PDE10A: variants seen among roughly 807,000 people sequenced by gnomAD.
PDE10A encodes phosphodiesterase 10A.
A neutral mutation model predicts 97.7 loss-of-function variants in PDE10A; 39 were observed. That is an observed-to-expected ratio of 0.40 (90% CI 0.31 to 0.52). The LOEUF is 0.52. Among genes scored for constraint, PDE10A ranks in the 20% least tolerant of loss-of-function variants. The pLI is 0.56. For synonymous variants in PDE10A, 371 were observed against 376.8 expected (o/e 0.98, Z 0.18); for missense variants, 731 against 1,047.8 (o/e 0.70, Z 4.17).
At chr6:165,435,169 G>T (rs553259124) in intron 6 of PDE10A, 68 bp downstream of exon 6, 2 of 1,276,096 alleles carry the variant, frequency 1.6e-6, no homozygotes, top group South Asian at 1.4e-5. Context: ...ACATCAAAAT[G>T]ATATGCCATC....
intron 1 of PDE10A, among the ~76,000 whole-genome samples, chr6:165,847,446 C>T (rs1459698837): frequency 1.3e-5 from 2 of 152,274 alleles, no homozygotes; most frequent in Non-Finnish European, 2.9e-5. Flanking sequence ...AACGCTTCCA[C>T]GGCCAAAGTG....
At chr6:165,813,748 T>C (rs955878245) in intron 1 of PDE10A, among the ~76,000 whole-genome samples, 1 of 150,240 alleles carries the variant, frequency 6.7e-6, no homozygotes, top group Non-Finnish European at 1.5e-5. Context: ...TAAGAGAAGA[T>C]AAATCCAAAC....
At chr6:165,579,445 C>T (rs2128353219) in intron 1 of PDE10A, among the ~76,000 whole-genome samples, 1 of 152,274 alleles carries the variant, frequency 6.6e-6, no homozygotes, top group East Asian at 1.9e-4. Flanking sequence ...TGGGATGATA[C>T]AAGTCCTCCC....
intron 1 of PDE10A, among the ~76,000 whole-genome samples, chr6:165,544,899 T>G (rs528016980): frequency 4.5e-4 from 69 of 152,008 alleles, no homozygotes; most frequent in African/African-American, 1.6e-3. Context: ...CTGGCTATAT[T>G]CACCCTGCAA....
chr6:165,918,426 G>T (rs1782665901), intron 1 of PDE10A, among the ~76,000 whole-genome samples: 2 of 152,128 alleles, frequency 1.3e-5, no homozygotes, highest in Non-Finnish European at 2.9e-5. Context: ...AATTTATATT[G>T]AATTGAGATT....
intron 1 of PDE10A, among the ~76,000 whole-genome samples, chr6:165,629,774 T>A (rs929753517): frequency 1.2e-4 from 19 of 152,182 alleles, no homozygotes; most frequent in African/African-American, 4.6e-4. Flanking sequence ...GCTCAGGTGA[T>A]CTGCCTGCCT....
chr6:165,880,786 G>A (rs1227383630), intron 1 of PDE10A, among the ~76,000 whole-genome samples: 1 of 152,128 alleles, frequency 6.6e-6, no homozygotes, highest in East Asian at 1.9e-4. Flanking sequence ...GCTGGCAGCT[G>A]GTTAAGTTTG....
intron 1 of PDE10A, among the ~76,000 whole-genome samples, chr6:165,794,133 G>T (rs200666799): frequency 7.5e-6 from 1 of 132,780 alleles, no homozygotes; most frequent in African/African-American, 2.8e-5. Context: ...ACACACACAC[G>T]CTCACACTCA....
intron 1 of PDE10A, among the ~76,000 whole-genome samples, chr6:165,630,514 A>C (rs981682973): frequency 1.3e-5 from 2 of 152,202 alleles, no homozygotes; most frequent in Non-Finnish European, 2.9e-5. Context: ...AAGATTTTAG[A>C]AATCCCATAC....
chr6:165,853,408 A>C (rs1308263549), intron 1 of PDE10A, among the ~76,000 whole-genome samples: 1 of 152,214 alleles, frequency 6.6e-6, no homozygotes, highest in Non-Finnish European at 1.5e-5. Context: ...CCAGTTTCAA[A>C]AATTTATATT....
At chr6:165,602,904 A>G (rs1172667384) in intron 1 of PDE10A, among the ~76,000 whole-genome samples, 3 of 152,192 alleles carry the variant, frequency 2.0e-5, no homozygotes, top group Non-Finnish European at 4.4e-5. Context: ...CCTGTTGGCA[A>G]TAATTATTGT....
Position 165,448,931 on chromosome 6 carries a change from A to G in PDE10A, c.1191T>C (p.Asn397=), listed in dbSNP as rs754238127. The part of the protein sequence containing the change: ...GFALYFLGEC[N]NSLCIFTPPG... ...AAATCTAAATTTAGATACTTACATT[A>G]TTGCACTCTCCAAGGAAATACAGTG... Residue 397 remains asparagine (N), a synonymous_variant, in exon 5 of 22, where the codon AAT becomes AAC. Coordinates refer to ENST00000539869, the MANE Select transcript of PDE10A (RefSeq NM_001385079.1). 6.2e-7 allele frequency: 1 copy of G among 1,604,952 alleles called. No homozygotes were observed. Among genetic ancestry groups the G allele is most frequent in the South Asian group, 1.1e-5 (1 of 90,400 alleles).
At chr6:165,487,407 C>T (rs1020042346) in intron 2 of PDE10A, among the ~76,000 whole-genome samples, 1 of 152,190 alleles carries the variant, frequency 6.6e-6, no homozygotes, top group Non-Finnish European at 1.5e-5. Flanking sequence ...AGGGCTTCCA[C>T]TAATTCTACA....
chr6:165,371,714 C>T (rs1784262033), intron 18 of PDE10A, among the ~76,000 whole-genome samples: 1 of 151,952 alleles, frequency 6.6e-6, no homozygotes, highest in Non-Finnish European at 1.5e-5. Flanking sequence ...GGAATCCTCC[C>T]TAACTCATTT....
At chr6:165,485,016 C>T (rs954892707) in intron 2 of PDE10A, among the ~76,000 whole-genome samples, 1 of 152,146 alleles carries the variant, frequency 6.6e-6, no homozygotes, top group African/African-American at 2.4e-5. Flanking sequence ...AAGAAAGCTG[C>T]ATTTAATAGA....
intron 1 of PDE10A, among the ~76,000 whole-genome samples, chr6:165,938,554 T>A (rs1783412462): frequency 6.6e-6 from 1 of 152,198 alleles, no homozygotes; most frequent in Non-Finnish European, 1.5e-5. Flanking sequence ...GGGGCCCTTA[T>A]CCTTGGGATT....
rs1218460746 is a variant in PDE10A at position 165,945,372 on chromosome 6, A to G, written c.-615+42157T>C. On this transcript the variant is annotated intron_variant, in intron 1 of 19. Coordinates refer to the PDE10A transcript ENST00000366882. ...CTTGACTTCCTAACCCTCAGAAACT[A>G]TGAGAAACAATATATGCTTGTTTGT... Among the ~76,000 whole-genome samples, 5 of 152,358 alleles carry G rather than the reference A, an allele frequency of 3.3e-5. No individual in the cohort carries two copies. The East Asian group carries it at 9.6e-4, about 29-fold the overall frequency.
chr6:165,838,011 G>A (rs921149569), intron 1 of PDE10A, among the ~76,000 whole-genome samples: 2 of 152,144 alleles, frequency 1.3e-5, no homozygotes, highest in South Asian at 2.1e-4. Context: ...TGCCTTGCTA[G>A]TAACTCAGGA....
chr6:165,497,265 A>ACCATCCCATC (rs369676450), intron 2 of PDE10A, among the ~76,000 whole-genome samples: 2 of 152,252 alleles, frequency 1.3e-5, no homozygotes, highest in South Asian at 2.1e-4. Flanking sequence ...ACAGAATGAC[A>ACCATCCCATC]CCATCCCATC....
Sources: allele counts gnomAD v4.1 joint callset (sites outside exome capture counted in the v4.1 genomes callset), GRCh38; gene constraint gnomAD v4.1.1; transcripts MANE v1.5; gene names NCBI Gene and HGNC (gene_info 2026-07-23, HGNC 2026-07-21).